Variants in SRD5A1 observed in about 807,000 individuals in gnomAD.
SRD5A1 encodes the protein steroid 5 alpha-reductase 1.
Under a neutral mutation model 28.2 loss-of-function variants are expected in SRD5A1, and 22 were observed. That is an observed-to-expected ratio of 0.78 (90% confidence interval 0.56 to 1.12). The LOEUF is 1.12. Among genes scored for constraint, SRD5A1 ranks in the 50% most tolerant of loss-of-function variants. The pLI is 0.00. For synonymous variants in SRD5A1, 151 were observed against 135.0 expected (o/e 1.12, Z -0.82); for missense variants, 300 against 346.7 (o/e 0.87, Z 1.07).
Position 6,670,163 on chromosome 5 carries a change from C to T in SRD5A1, c.*1895C>T, listed in dbSNP as rs1418018366. The T allele has an allele frequency of 6.6e-6, 1 of 152,310 alleles. No homozygotes were observed. Among genetic ancestry groups the T allele is most frequent in the Non-Finnish European group, 1.5e-5 (1 of 68,130 alleles). 9.4% of individuals were successfully genotyped at this position (152,310 alleles called of 1,614,324 possible). A position where few individuals can be genotyped will look rare whatever the true frequency, so the allele number is the denominator to read the frequency against. ...AGGCTGAGGAGGTGGCCTTTCCTAA[C>T]ACAAAAATTAACTAAGTGGGGAAAA... is the stretch of plus-strand genomic sequence containing the variant. On this transcript the variant is annotated 3_prime_UTR_variant, in exon 5 of 5. Transcript: ENST00000274192.
intron 1 of SRD5A1, among the ~76,000 whole-genome samples, chr5:6,648,364 G>A (rs1250939736): frequency 6.6e-6 from 1 of 152,224 alleles, no homozygotes; most frequent in Non-Finnish European, 1.5e-5. Context: ...ATAATATCCT[G>A]AAGAGTGTTT....
chr5:6,659,263 G>A (rs566433969), intron 3 of SRD5A1, among the ~76,000 whole-genome samples: 7 of 151,936 alleles, frequency 4.6e-5, no homozygotes, highest in East Asian at 2.0e-4. Flanking sequence ...ACAGGCGCCC[G>A]CCACCACGCC....
At chr5:6,634,694 C>T (rs1265390774) in intron 1 of SRD5A1, among the ~76,000 whole-genome samples, 1 of 152,192 alleles carries the variant, frequency 6.6e-6, no homozygotes, top group Non-Finnish European at 1.5e-5. Context: ...AACCTTAAAC[C>T]TTAAACAAAC....
chr5:6,664,700 C>G (rs1739109549), intron 4 of SRD5A1, among the ~76,000 whole-genome samples: 1 of 152,266 alleles, frequency 6.6e-6, no homozygotes, highest in Admixed American at 6.5e-5. Context: ...GCCAACGTGG[C>G]TGGCCTCTTT....
At position 6,656,183 on chromosome 5, in the gene SRD5A1, C is replaced by A; in HGVS notation, c.562+4C>A. The A allele has an allele frequency of 6.2e-7, 1 of 1,608,702 alleles. No individual in the cohort carries two copies. The highest frequency in any genetic ancestry group is 8.5e-7 in the Non-Finnish European group (1 of 1,175,316). On this transcript the variant is annotated splice_donor_region_variant and intron_variant, in intron 3 of 4. Coordinates refer to ENST00000274192, the MANE Select transcript of SRD5A1 (RefSeq NM_001047.4). Reference sequence around the variant, plus strand: ...ACTGGATACAAAATACCAAGGGGTACGTACAGAAAGTGAAGAATTTCTGTG... The same window carrying A: ...ACTGGATACAAAATACCAAGGGGTAAGTACAGAAAGTGAAGAATTTCTGTG...
intron 1 of SRD5A1, among the ~76,000 whole-genome samples, chr5:6,648,935 G>A (rs950832277): frequency 2.6e-5 from 4 of 151,756 alleles, no homozygotes; most frequent in African/African-American, 4.8e-5. Context: ...TGGCGATATC[G>A]ATACTATTTT....
intron 2 of SRD5A1, among the ~76,000 whole-genome samples, chr5:6,653,794 G>T (rs986313482): frequency 6.6e-6 from 1 of 152,116 alleles, no homozygotes. Flanking sequence ...CAGATGGTTC[G>T]CATCACGTAG....
At chr5:6,637,973 G>A (rs1468987274) in intron 1 of SRD5A1, among the ~76,000 whole-genome samples, 1 of 152,248 alleles carries the variant, frequency 6.6e-6, no homozygotes, top group African/African-American at 2.4e-5. Context: ...TGTGCGGTGG[G>A]TAATGTTAAA....
rs1255477361 is a variant in SRD5A1 at position 6,668,248 on chromosome 5, A to G, written c.760A>G (p.Ile254Val). 4.4e-6 allele frequency: 7 copies of G among 1,589,008 alleles called. No homozygotes were observed. Among genetic ancestry groups the G allele is most frequent in the Non-Finnish European group, 6.0e-6 (7 of 1,168,488 alleles). The change falls in exon 5 of 5, where the codon ATA becomes GTA. Residue 254 changes from isoleucine (I) to valine (V), a missense_variant. Physicochemically the swap from Ile to Val is conservative, Grantham distance 29 (BLOSUM62 3). Coordinates refer to ENST00000274192, the MANE Select transcript of SRD5A1 (RefSeq NM_001047.4). ...FEEYPKFRKI[I>V]IPFLF ...AGAGTATCCAAAGTTCAGAAAAATT[A>G]TAATTCCATTTTTGTTTTAAGTGCG...
Position 6,647,190 on chromosome 5 carries a change from T to G in SRD5A1, c.294-4652T>G, listed in dbSNP as rs143607449. ...TTGCATTTGTTGAGGAGTGTTTTACTTCCAACCATGTGGTCAATTTTAGAA... is the reference window on the plus strand; with the variant it reads ...TTGCATTTGTTGAGGAGTGTTTTACGTCCAACCATGTGGTCAATTTTAGAA... On this transcript the variant is annotated intron_variant, in intron 1 of 4. Coordinates refer to ENST00000274192, the MANE Select transcript of SRD5A1 (RefSeq NM_001047.4). Among the ~76,000 whole-genome samples, 598 of 152,338 alleles carry G rather than the reference T, an allele frequency of 3.9e-3. 4 individuals are homozygous for G. Among genetic ancestry groups the G allele is most frequent in the African/African-American group, 0.014 (569 of 41,586 alleles).
chr5:6,639,218 C>T (rs993265901), intron 1 of SRD5A1, among the ~76,000 whole-genome samples: 11 of 152,170 alleles, frequency 7.2e-5, no homozygotes, highest in Admixed American at 3.9e-4. Context: ...GCTTGCAAGA[C>T]GACAAAACCC....
At chr5:6,658,614 A>T (rs1579411047) in intron 3 of SRD5A1, among the ~76,000 whole-genome samples, 1 of 152,230 alleles carries the variant, frequency 6.6e-6, no homozygotes, top group African/African-American at 2.4e-5. Flanking sequence ...GACACCAGAC[A>T]TCGGTGCAGA....
chr5:6,646,879 T>A (rs1362682003), intron 1 of SRD5A1, among the ~76,000 whole-genome samples: 1 of 152,222 alleles, frequency 6.6e-6, no homozygotes, highest in African/African-American at 2.4e-5. Flanking sequence ...GGGTGTCGAT[T>A]TTAGATCTTT....
intron 1 of SRD5A1, among the ~76,000 whole-genome samples, chr5:6,635,957 T>C (rs978486871): frequency 6.6e-6 from 1 of 152,178 alleles, no homozygotes; most frequent in African/African-American, 2.4e-5. Context: ...GCTGCTGTCT[T>C]CCCTGAGGCT....
rs1481432598 is a variant in SRD5A1 at position 6,649,821 on chromosome 5, A to G, written c.294-2021A>G. Among the ~76,000 whole-genome samples the G allele has an allele frequency of 2.0e-5, 3 of 152,038 alleles. No individual in the cohort carries two copies. In the East Asian group the frequency reaches 5.8e-4, roughly 29 times the overall value. On this transcript the variant is annotated intron_variant, in intron 1 of 4. Transcript: ENST00000274192. ...AGTTACCTCAGTTGGAAATGCAGGA[A>G]TCACCCACCTTCTGTGTCGATCTCG...
intron 1 of SRD5A1, among the ~76,000 whole-genome samples, chr5:6,649,958 C>T (rs1316148368): frequency 2.0e-5 from 3 of 152,142 alleles, no homozygotes; most frequent in African/African-American, 7.2e-5. Context: ...GAAAGTTAAT[C>T]TTTGTGGTTA....
At chr5:6,638,265 G>A (rs1738257204) in intron 1 of SRD5A1, among the ~76,000 whole-genome samples, 1 of 152,208 alleles carries the variant, frequency 6.6e-6, no homozygotes, top group Non-Finnish European at 1.5e-5. Flanking sequence ...CTTGAACCCA[G>A]AGGTGGAGGT....
intron 4 of SRD5A1, among the ~76,000 whole-genome samples, chr5:6,666,667 A>G (rs1209242006): frequency 1.3e-5 from 2 of 152,174 alleles, no homozygotes; most frequent in African/African-American, 4.8e-5. Flanking sequence ...TAAATATTTT[A>G]TTTCTATATA....
At position 6,671,367 on chromosome 5, in the gene SRD5A1, T is replaced by C. The variant is rs1739354177; in HGVS notation, c.*3099T>C. Reference sequence around the variant, plus strand: ...TTGATGGGATTGTTTGTTTTTTTCTTACTGATTTGTTTGAGTTTGTTGTAG... The same window carrying C: ...TTGATGGGATTGTTTGTTTTTTTCTCACTGATTTGTTTGAGTTTGTTGTAG... On this transcript the variant is annotated 3_prime_UTR_variant, in exon 5 of 5. Coordinates refer to ENST00000274192, the MANE Select transcript of SRD5A1 (RefSeq NM_001047.4). The C allele has an allele frequency of 6.6e-6, 1 of 152,164 alleles. No individual in the cohort carries two copies. Among genetic ancestry groups the C allele is most frequent in the Admixed American group, 6.5e-5 (1 of 15,284 alleles). The allele number at this position is 152,164 out of a possible 1,614,324, so 9.4% of individuals were successfully genotyped here.
Sources: gnomAD v4.1 joint callset for allele counts (sites outside exome capture counted in the v4.1 genomes callset) on GRCh38, gnomAD v4.1.1 for gene constraint, MANE v1.5 for transcripts, NCBI Gene and HGNC (gene_info 2026-07-23, HGNC 2026-07-21) for gene names.